The following MVB12B variants were observed in gnomAD, a reference collection of about 807,000 sequenced individuals.
MVB12B encodes multivesicular body subunit 12B.
In MVB12B, 16 loss-of-function variants were observed where a neutral mutation model predicts 41.6. The observed-to-expected ratio is 0.38, with a 90% confidence interval of 0.26 to 0.58. MVB12B has a LOEUF of 0.58. Ranked by LOEUF, MVB12B falls within the 20% of genes least tolerant of loss-of-function variation. MVB12B has a pLI of 0.62. For synonymous variants in MVB12B, 133 were observed against 139.7 expected (o/e 0.95, Z 0.34); for missense variants, 274 against 380.2 (o/e 0.72, Z 2.32).
chr9:126,337,568 A>G (rs1344936644), intron 1 of MVB12B, among the ~76,000 whole-genome samples: 3 of 152,312 alleles, frequency 2.0e-5, no homozygotes, highest in South Asian at 4.1e-4. Context: ...AGTACAATAG[A>G]AAACAGACCA....
chr9:126,397,430 G>A, intron 6 of MVB12B: 1 of 985,412 alleles, frequency 1.0e-6, no homozygotes, highest in Non-Finnish European at 1.2e-6. Flanking sequence ...TAAGGCTTAT[G>A]TATTTTATCA....
At position 126,478,035 on chromosome 9, in the gene MVB12B, A is replaced by G. The variant is rs1354581225; in HGVS notation, c.758-3334A>G. 1.3e-5 allele frequency among the ~76,000 whole-genome samples: 2 copies of G among 152,206 alleles called. No homozygotes were observed. Among genetic ancestry groups the G allele is most frequent in the Non-Finnish European group, 2.9e-5 (2 of 68,026 alleles). ...TGTGGGAGCAGGGAGAAACTGCTTC[A>G]TGGGTGAGGGGTTTGGCTTTGGAGC... On this transcript the variant is annotated intron_variant, in intron 7 of 9. Coordinates refer to ENST00000361171, the MANE Select transcript of MVB12B (RefSeq NM_033446.3). The surrounding 1 kb of genome is among the most constrained non-coding windows in gnomAD (Gnocchi z 4.2).
At chr9:126,447,649 C>G (rs1277625869) in intron 7 of MVB12B, among the ~76,000 whole-genome samples, 1 of 152,170 alleles carries the variant, frequency 6.6e-6, no homozygotes, top group Non-Finnish European at 1.5e-5. Flanking sequence ...CATCTTCTCT[C>G]TGTCACAGTG....
intron 7 of MVB12B, among the ~76,000 whole-genome samples, chr9:126,446,198 T>A (rs1420124957): frequency 1.3e-5 from 2 of 152,104 alleles, no homozygotes; most frequent in Non-Finnish European, 2.9e-5. Context: ...ATAAAAAAAT[T>A]TGGAATATTT....
Position 126,376,021 on chromosome 9 carries a change from T to C in MVB12B, c.205-5043T>C, listed in dbSNP as rs139803327. On this transcript the variant is annotated intron_variant, in intron 2 of 9. Transcript: ENST00000361171. This position sits in a 1 kb window ranked among gnomAD's most constrained non-coding sequence, Gnocchi z 4.1. ...CTCAGGACCTCTTTAACACAGAGGCTCCCCCTCCCCTCCGGTTTTTATTTT... is the reference window on the plus strand; with the variant it reads ...CTCAGGACCTCTTTAACACAGAGGCCCCCCCTCCCCTCCGGTTTTTATTTT... 2.9e-3 allele frequency among the ~76,000 whole-genome samples: 437 copies of C among 152,226 alleles called. 4 individuals carry two copies. The highest frequency in any genetic ancestry group is 0.01 in the African/African-American group (427 of 41,540).
At chr9:126,472,251 T>C (rs2119192282) in intron 7 of MVB12B, among the ~76,000 whole-genome samples, 1 of 151,894 alleles carries the variant, frequency 6.6e-6, no homozygotes, top group East Asian at 1.9e-4. Flanking sequence ...AAGGGATGGC[T>C]CTGGAGGACT....
At chr9:126,433,337 T>TTGATACACCAGGTATCCCCTC (rs1832380342) in intron 7 of MVB12B, among the ~76,000 whole-genome samples, 1 of 148,960 alleles carries the variant, frequency 6.7e-6, no homozygotes, top group African/African-American at 2.5e-5. Context: ...GGTATCCCCT[T>TTGATACACCAGGTATCCCCTC]TGATACACCA....
rs1179562916 is a variant in MVB12B at position 126,395,919 on chromosome 9, A to G, written c.662+222A>G. The G allele has an allele frequency of 3.7e-6, 5 of 1,352,182 alleles. No homozygotes were observed. In the East Asian group the frequency reaches 1.1e-4, roughly 31 times the overall value. The allele number at this position is 1,352,182 out of a possible 1,614,324, so 83.8% of individuals were successfully genotyped here. On this transcript the variant is annotated intron_variant, in intron 6 of 9. Transcript: ENST00000361171. This position sits in a 1 kb window ranked among gnomAD's most constrained non-coding sequence, Gnocchi z 4.9. Reference sequence around the variant, plus strand: ...ATAGTCTATTTTGTGCGTGTTCTGCAGGCTTCTAAAATTGCAGATTATGCA... The same window carrying G: ...ATAGTCTATTTTGTGCGTGTTCTGCGGGCTTCTAAAATTGCAGATTATGCA...
At chr9:126,493,681 T>G (rs1833778515) in intron 9 of MVB12B, among the ~76,000 whole-genome samples, 1 of 152,242 alleles carries the variant, frequency 6.6e-6, no homozygotes. Context: ...ATGCCTCTTG[T>G]AAGCCCAGGT....
chr9:126,463,709 C>A (rs1179133955), intron 7 of MVB12B, among the ~76,000 whole-genome samples: 2 of 152,182 alleles, frequency 1.3e-5, no homozygotes, highest in African/African-American at 4.8e-5. Context: ...AGCTTCCATC[C>A]CCAATTCTCT....
At chr9:126,351,863 C>T (rs113327447) in intron 2 of MVB12B, among the ~76,000 whole-genome samples, 6 of 152,248 alleles carry the variant, frequency 3.9e-5, no homozygotes, top group East Asian at 1.9e-4. Context: ...GAGGGAGTTC[C>T]TTTCCATTCC....
At position 126,361,337 on chromosome 9, in the gene MVB12B, G is replaced by C. The variant is rs1170015847; in HGVS notation, c.205-19727G>C. Reference sequence around the variant, plus strand: ...TTCATGTGTAGTGTAAGAACAGGATGTTTATTGTTCCTCTTCTAGCCCTTG... The same window carrying C: ...TTCATGTGTAGTGTAAGAACAGGATCTTTATTGTTCCTCTTCTAGCCCTTG... On this transcript the variant is annotated intron_variant, in intron 2 of 9. Transcript: ENST00000361171. 2.6e-5 allele frequency among the ~76,000 whole-genome samples: 4 copies of C among 152,210 alleles called. No homozygotes were observed. In the East Asian group the frequency reaches 7.7e-4, roughly 29 times the overall value.
rs572952385 is a variant in MVB12B, at chr9:126,367,299, C to T, written c.205-13765C>T. ...GGGGCAGGTCCTAAGACAGCACCTG[C>T]CCTGCAGCCTCCCAGGTTCCAGCTC... On this transcript the variant is annotated intron_variant, in intron 2 of 9. Transcript: ENST00000361171. The surrounding 1 kb of genome is among the most constrained non-coding windows in gnomAD (Gnocchi z 4.3). Among the ~76,000 whole-genome samples, 2 of 152,206 alleles carry T rather than the reference C, an allele frequency of 1.3e-5. No homozygotes were observed. The highest frequency in any genetic ancestry group is 4.2e-4 in the South Asian group (2 of 4,810).
chr9:126,471,332 A>G (rs1445656398), intron 7 of MVB12B, among the ~76,000 whole-genome samples: 1 of 152,208 alleles, frequency 6.6e-6, no homozygotes, highest in Non-Finnish European at 1.5e-5. Flanking sequence ...GCCAACAAGC[A>G]CTGGGCCCAG....
intron 5 of MVB12B, among the ~76,000 whole-genome samples, chr9:126,393,331 C>T (rs1467557169): frequency 3.3e-5 from 5 of 152,244 alleles, no homozygotes; most frequent in African/African-American, 9.6e-5. Flanking sequence ...CGGTGCTGGG[C>T]TCTGTTCTGA....
At chr9:126,336,300 G>A (rs1437175178) in intron 1 of MVB12B, among the ~76,000 whole-genome samples, 1 of 152,266 alleles carries the variant, frequency 6.6e-6, no homozygotes, top group African/African-American at 2.4e-5. Context: ...GTTTTCAACT[G>A]TGATACAGTA....
At chr9:126,439,904 T>C (rs1263307191) in intron 7 of MVB12B, among the ~76,000 whole-genome samples, 1 of 152,246 alleles carries the variant, frequency 6.6e-6, no homozygotes, top group African/African-American at 2.4e-5. Context: ...TTGCATATAA[T>C]GTATCTTAAG....
chr9:126,381,059 T>C lies in MVB12B; in HGVS notation c.205-5T>C, dbSNP rs377095098. The C allele has an allele frequency of 6.2e-7, 1 of 1,612,942 alleles. No homozygotes were observed. The highest frequency in any genetic ancestry group is 1.1e-5 in the South Asian group (1 of 91,048). ...GCAATCCTTTTCTCTGTCTCTCCGG[T>C]GTAGGTTGCACAGACAGCAGATGGT... is the stretch of plus-strand genomic sequence containing the variant. On this transcript the variant is annotated splice_region_variant and splice_polypyrimidine_tract_variant and intron_variant, in intron 2 of 9. Coordinates refer to ENST00000361171, the MANE Select transcript of MVB12B (RefSeq NM_033446.3).
chr9:126,406,304 A>C (rs1363245177), intron 6 of MVB12B, among the ~76,000 whole-genome samples: 4 of 152,204 alleles, frequency 2.6e-5, no homozygotes, highest in Non-Finnish European at 2.9e-5. Flanking sequence ...TGTAGCCCAC[A>C]TTCCACCTCC....
Sources: allele counts gnomAD v4.1 joint callset (sites outside exome capture counted in the v4.1 genomes callset), GRCh38; gene constraint gnomAD v4.1.1; non-coding constraint Gnocchi (gnomAD v3.1); transcripts MANE v1.5; gene names NCBI Gene and HGNC (gene_info 2026-07-23, HGNC 2026-07-21).